The following ABCG2 variants were observed in gnomAD, a reference collection of about 807,000 sequenced individuals.
ABCG2 encodes broad substrate specificity ATP-binding cassette transporter ABCG2.
ABCG2 carries 80 observed loss-of-function variants against 73.5 expected under a neutral mutation model. That is an observed-to-expected ratio of 1.09 (90% CI 0.91 to 1.31). The LOEUF (loss-of-function observed/expected upper bound fraction) is 1.31. Among genes scored for constraint, ABCG2 ranks in the 50% most tolerant of loss-of-function variants. The probability of loss-of-function intolerance (pLI) is 0.00; values close to 1 mark genes in which losing one functional copy is unlikely to be tolerated. For missense variants in ABCG2, 796 were observed against 786.2 expected, an observed-to-expected ratio of 1.01 and a Z score of -0.15; for synonymous variants, 269 against 282.4, an observed-to-expected ratio of 0.95 and a Z score of 0.48.
intron 5 of ABCG2, 124 bp from the exon 6 acceptor site, chr4:88,121,916 A>C: frequency 1.1e-6 from 1 of 917,192 alleles, no homozygotes; most frequent in Admixed American, 2.6e-5. Flanking sequence ...TCTGAACAGC[A>C]AATAAGTGGA....
At chr4:88,224,902 G>A (rs1730147357) in intron 1 of ABCG2, among the ~76,000 whole-genome samples, 4 of 152,140 alleles carry the variant, frequency 2.6e-5, no homozygotes, top group African/African-American at 9.7e-5. Flanking sequence ...TCTTTTGCAT[G>A]TGGCTATCCA....
At chr4:88,114,714 A>G (rs758213874) in intron 8 of ABCG2, among the ~76,000 whole-genome samples, 2 of 152,150 alleles carry the variant, frequency 1.3e-5, no homozygotes, top group Non-Finnish European at 2.9e-5. Flanking sequence ...AACACTATAT[A>G]AACACTGAGC....
rs115146415 is a variant in ABCG2 at position 88,181,446 on chromosome 4, T to C, written c.-19-41432A>G. Among the ~76,000 whole-genome samples the C allele has an allele frequency of 5.1e-3, 762 of 148,050 alleles. 4 individuals are homozygous for C. Among genetic ancestry groups the C allele is most frequent in the African/African-American group, 0.018 (729 of 39,604 alleles). On this transcript the variant is annotated intron_variant, in intron 1 of 15. Transcript: ENST00000515655. Reference sequence around the variant, plus strand: ...AAAGAATGGGCTGTAAGATATTATTTGAAGCCAGGCATGGTGACTCATGTA... The same window carrying C: ...AAAGAATGGGCTGTAAGATATTATTCGAAGCCAGGCATGGTGACTCATGTA...
chr4:88,202,353 T>TA (rs59941193), intron 1 of ABCG2, among the ~76,000 whole-genome samples: 41,880 of 62,910 alleles, frequency 0.67, 16,361 homozygotes, highest in East Asian at 0.77. Flanking sequence ...TCTACAATTA[T>TA]TTATATATAT....
Position 88,121,565 on chromosome 4 carries a change from GCCC to G in ABCG2, c.689+67_689+69del, listed in dbSNP as rs529343441. On this transcript the variant is annotated intron_variant, in intron 6 of 15. Coordinates refer to ENST00000237612, the MANE Select transcript of ABCG2 (RefSeq NM_004827.3). ...TACTTTGATCATTTCTGAACCCCCT[GCCC>G]CAAGAATATCTGGGACATAGTAGTG... 3,382 of 1,422,698 alleles carry G rather than the reference GCCC, an allele frequency of 2.4e-3. 5 individuals are homozygous for G. Among genetic ancestry groups the G allele is most frequent in the Non-Finnish European group, 3.0e-3 (3,110 of 1,044,106 alleles). The allele number at this position is 1,422,698 out of a possible 1,614,324, so 88.1% of individuals were successfully genotyped here.
intron 10 of ABCG2, among the ~76,000 whole-genome samples, chr4:88,103,064 C>G (rs1722546621): frequency 6.6e-6 from 1 of 152,126 alleles, no homozygotes; most frequent in Non-Finnish European, 1.5e-5. Flanking sequence ...CAAATGTAAG[C>G]CACGGTGCCC....
chr4:88,109,373 G>A (rs1722977899), intron 9 of ABCG2, among the ~76,000 whole-genome samples: 1 of 152,134 alleles, frequency 6.6e-6, no homozygotes, highest in Non-Finnish European at 1.5e-5. Flanking sequence ...CTAACACTGA[G>A]TATTATGATT....
intron 1 of ABCG2, among the ~76,000 whole-genome samples, chr4:88,142,383 T>C (rs1725705773): frequency 6.6e-6 from 1 of 152,046 alleles, no homozygotes; most frequent in African/African-American, 2.4e-5. Flanking sequence ...AAAACCAAAG[T>C]TATCTCCTAA....
intron 1 of ABCG2, among the ~76,000 whole-genome samples, chr4:88,203,141 T>A (rs1729246197): frequency 6.6e-6 from 1 of 152,146 alleles, no homozygotes; most frequent in Admixed American, 6.6e-5. Flanking sequence ...TTAAAACCAA[T>A]AAAGCATTGA....
chr4:88,118,418 C>T (rs1723746070), intron 6 of ABCG2, among the ~76,000 whole-genome samples, 158 bp from the exon 7 acceptor site: 1 of 152,150 alleles, frequency 6.6e-6, no homozygotes, highest in African/African-American at 2.4e-5. Context: ...AGTTAGCAAA[C>T]CTAAATTCAA....
chr4:88,099,640 T>C (rs988443328), intron 11 of ABCG2, among the ~76,000 whole-genome samples, 192 bp from the exon 12 acceptor site: 2 of 152,184 alleles, frequency 1.3e-5, no homozygotes, highest in African/African-American at 4.8e-5. Flanking sequence ...AAGCATCCCA[T>C]GAAGCTCTGC....
intron 5 of ABCG2, among the ~76,000 whole-genome samples, chr4:88,129,749 C>A (rs920551294): frequency 2.0e-5 from 3 of 152,186 alleles, no homozygotes; most frequent in Admixed American, 1.3e-4. Context: ...CAGGGGATTA[C>A]ACTATAGCCA....
chr4:88,118,227 G>A lies in ABCG2; in HGVS notation c.723C>T (p.Ser241=), dbSNP rs755459903. The A allele has an allele frequency of 6.2e-7, 1 of 1,614,112 alleles. No individual in the cohort carries two copies. Among genetic ancestry groups the A allele is most frequent in the Non-Finnish European group, 8.5e-7 (1 of 1,179,988 alleles). ...AGATGGAATATCGAGGCTGATGAAT[G>A]GAGAAGATGATTGTTCGTCCCTGCT... is the stretch of plus-strand genomic sequence containing the variant. ...MSKQGRTIIF[S]IHQPRYSIFK... Residue 241 remains serine, a synonymous_variant, in exon 7 of 16, where the codon TCC becomes TCT. Coordinates refer to ENST00000237612, the MANE Select transcript of ABCG2 (RefSeq NM_004827.3).
At chr4:88,142,768 G>A (rs1340074081) in intron 1 of ABCG2, among the ~76,000 whole-genome samples, 4 of 152,108 alleles carry the variant, frequency 2.6e-5, no homozygotes, top group Admixed American at 6.5e-5. Context: ...ACAACATGGT[G>A]AAACCCCATC....
At chr4:88,191,750 C>T (rs1728702434) in intron 1 of ABCG2, among the ~76,000 whole-genome samples, 2 of 152,134 alleles carry the variant, frequency 1.3e-5, no homozygotes, top group Admixed American at 1.3e-4. Context: ...ATGTGGTATA[C>T]TTATACAATA....
intron 1 of ABCG2, among the ~76,000 whole-genome samples, chr4:88,185,893 G>T (rs778252173): frequency 6.6e-6 from 1 of 152,172 alleles, no homozygotes; most frequent in Non-Finnish European, 1.5e-5. Context: ...GGGAACCCCT[G>T]TGCACTGTTG....
chr4:88,229,026 C>G (rs62308057), intron 1 of ABCG2, among the ~76,000 whole-genome samples: 15,637 of 152,290 alleles, frequency 0.1, 1,015 homozygotes, highest in Non-Finnish European at 0.15. Flanking sequence ...GGAATAAAAG[C>G]TGGCCACCCA....
At chr4:88,165,270 T>C (rs1011410037) in intron 1 of ABCG2, among the ~76,000 whole-genome samples, 1 of 152,198 alleles carries the variant, frequency 6.6e-6, no homozygotes, top group Non-Finnish European at 1.5e-5. Flanking sequence ...ACAAACTTAG[T>C]GGTTTAAGAC....
At chr4:88,157,232 A>G (rs915342431) in intron 1 of ABCG2, among the ~76,000 whole-genome samples, 1 of 152,222 alleles carries the variant, frequency 6.6e-6, no homozygotes, top group Non-Finnish European at 1.5e-5. Context: ...ACACAAATTG[A>G]GGGGCATTCT....
Sources: allele counts gnomAD v4.1 joint callset (sites outside exome capture counted in the v4.1 genomes callset), GRCh38; gene constraint gnomAD v4.1.1; transcripts MANE v1.5; gene names NCBI Gene and HGNC (gene_info 2026-07-23, HGNC 2026-07-21).